ZNF66: variants seen among roughly 807,000 people sequenced by gnomAD.
ZNF66 encodes putative zinc finger protein 66.
In ZNF66, 32 loss-of-function variants were observed where a neutral mutation model predicts 35.2. The ratio of observed to expected loss-of-function variants is 0.91; its 90% CI spans 0.69 to 1.22. ZNF66 has a LOEUF of 1.22. Ranked by LOEUF, ZNF66 falls within the 50% of genes most tolerant of loss-of-function variation. The probability of loss-of-function intolerance (pLI) is 0.00; values close to 1 mark genes in which losing one functional copy is unlikely to be tolerated. For missense variants in ZNF66, 666 were observed against 543.1 expected, an observed-to-expected ratio of 1.23 and a Z score of -2.25; for synonymous variants, 231 against 181.3, an observed-to-expected ratio of 1.27 and a Z score of -2.20.
chr19:20,791,569 A>G (rs1170884480), intron 1 of ZNF66, among the ~76,000 whole-genome samples: 1 of 151,762 alleles, frequency 6.6e-6, no homozygotes, highest in Non-Finnish European at 1.5e-5. Flanking sequence ...AATTATTAGG[A>G]GATACCTGCT....
At chr19:20,777,667 G>A (rs1971208109) in intron 1 of ZNF66, among the ~76,000 whole-genome samples, 1 of 151,332 alleles carries the variant, frequency 6.6e-6, no homozygotes, top group Admixed American at 6.6e-5. Flanking sequence ...TTGCTCTGTC[G>A]CCAGGCTAGA....
At chr19:20,805,270 C>T (rs1410424526) in intron 3 of ZNF66, among the ~76,000 whole-genome samples, 1 of 152,134 alleles carries the variant, frequency 6.6e-6, no homozygotes, top group Non-Finnish European at 1.5e-5. Flanking sequence ...TGTCAGCTTA[C>T]TGCAACCTCT....
intron 3 of ZNF66, among the ~76,000 whole-genome samples, chr19:20,801,739 A>AT (rs1456072818): frequency 1.3e-5 from 2 of 151,856 alleles, no homozygotes; most frequent in African/African-American, 4.8e-5. Context: ...TGATCCTCTC[A>AT]TTTCAGCCTC....
At chr19:20,784,931 C>T (rs1232584054) in intron 1 of ZNF66, 2 of 153,246 alleles carry the variant, frequency 1.3e-5, no homozygotes, top group Non-Finnish European at 2.9e-5. Flanking sequence ...TTGTCTGTTT[C>T]AGAAGCCTTA....
chr19:20,806,964 G>C lies in ZNF66; in HGVS notation c.1364G>C (p.Cys455Ser). ...CACACTGGAGAGAAACCCTACGAAT[G>C]TGAAGACTGTGGCAAAGCCTTTAAC... ...IIHTGEKPYE[C>S]EDCGKAFNRS... The change falls in exon 4 of 4, where the codon TGT (cysteine) becomes TCT (serine). Residue 455 changes from cysteine to serine, a missense_variant. Physicochemically the swap from Cys to Ser is moderately radical, Grantham distance 112 (BLOSUM62 -1). Transcript: ENST00000344519. 1 of 1,106,498 alleles carries C rather than the reference G, an allele frequency of 9.0e-7. No individual in the cohort carries two copies. Among genetic ancestry groups the C allele is most frequent in the Non-Finnish European group, 1.4e-6 (1 of 719,016 alleles). 68.5% of individuals were successfully genotyped at this position (1,106,498 alleles called of 1,614,324 possible).
chr19:20,795,783 C>T (rs1971386437), intron 3 of ZNF66, among the ~76,000 whole-genome samples: 1 of 152,242 alleles, frequency 6.6e-6, no homozygotes, highest in South Asian at 2.1e-4. Flanking sequence ...GCAGGCCTGC[C>T]TACATTGTTG....
intron 1 of ZNF66, among the ~76,000 whole-genome samples, chr19:20,783,196 A>G (rs1013016169): frequency 6.6e-6 from 1 of 152,088 alleles, no homozygotes; most frequent in African/African-American, 2.4e-5. Context: ...ATTCTGTTGC[A>G]TTGGTCTTGT....
chr19:20,788,761 A>G (rs1230287701), intron 1 of ZNF66, among the ~76,000 whole-genome samples: 13 of 152,098 alleles, frequency 8.5e-5, no homozygotes, highest in Non-Finnish European at 1.8e-4. Flanking sequence ...TAATAAAATT[A>G]CCCTAGAAAG....
At position 20,807,055 on chromosome 19, in the gene ZNF66, A is replaced by T. The variant is rs780540888; in HGVS notation, c.1455A>T (p.Glu485Asp). 5 of 832,388 alleles carry T rather than the reference A, an allele frequency of 6.0e-6. No homozygotes were observed. Among genetic ancestry groups the T allele is most frequent in the African/African-American group, 1.7e-5 (1 of 60,030 alleles). 51.6% of individuals were successfully genotyped at this position (832,388 alleles called of 1,614,324 possible). A position where few individuals can be genotyped will look rare whatever the true frequency, so the allele number is the denominator to read the frequency against. The change falls in exon 4 of 4, where the codon GAA becomes GAT. Residue 485 changes from glutamate to aspartate, a missense_variant. Glu to Asp is a conservative substitution (Grantham distance 45). Transcript: ENST00000344519. ...GAGAGAAGCCTTACAAATGTGAAGAATGTGGCAAGGCCTTTAAGTGCTCCT... is the reference window on the plus strand; with the variant it reads ...GAGAGAAGCCTTACAAATGTGAAGATTGTGGCAAGGCCTTTAAGTGCTCCT... Reference protein sequence around the residue: ...HTGEKPYKCEECGKAFKCSSI... With the variant: ...HTGEKPYKCEDCGKAFKCSSI...
chr19:20,806,915 A>C lies in ZNF66; in HGVS notation c.1315A>C (p.Ile439Leu), dbSNP rs761347430. 1 of 1,234,876 alleles carries C rather than the reference A, an allele frequency of 8.1e-7. No individual in the cohort carries two copies. The highest frequency in any genetic ancestry group is 1.2e-5 in the South Asian group (1 of 82,932). The allele number at this position is 1,234,876 out of a possible 1,614,324, so 76.5% of individuals were successfully genotyped here. A position where few individuals can be genotyped will look rare whatever the true frequency, so the allele number is the denominator to read the frequency against. Residue 439 changes from isoleucine to leucine, a missense_variant, in exon 4 of 4, where the codon ATT becomes CTT. Physicochemically the swap from Ile to Leu is conservative, Grantham distance 5 (BLOSUM62 2). Transcript: ENST00000344519. ...ECGKAFSRSS[I>L]LTTHKIIHTG... is the part of the protein sequence containing the mutation. Reference sequence around the variant, plus strand: ...TGGCAAAGCCTTCAGTCGGTCCTCTATTCTTACTACACATAAGATAATTCA... The same window carrying C: ...TGGCAAAGCCTTCAGTCGGTCCTCTCTTCTTACTACACATAAGATAATTCA...
In ZNF66 at chr19:20,808,108, C is replaced by T. The variant is rs377604131; in HGVS notation, c.*786C>T. On this transcript the variant is annotated 3_prime_UTR_variant, in exon 4 of 4. Transcript: ENST00000344519. ...TATGCCCATGGAGTCTCACTGATTG[C>T]TAGCACAGCAGTCTGAGATCAAACT... 6.6e-6 allele frequency among the ~76,000 whole-genome samples: 1 copy of T among 152,188 alleles called. No homozygotes were observed. Among genetic ancestry groups the T allele is most frequent in the Non-Finnish European group, 1.5e-5 (1 of 68,016 alleles).
At chr19:20,780,586 C>CT (rs1971236870) in intron 1 of ZNF66, among the ~76,000 whole-genome samples, 1 of 152,098 alleles carries the variant, frequency 6.6e-6, no homozygotes, top group African/African-American at 2.4e-5. Context: ...GAATCAGGGT[C>CT]TGTGTTGACT....
chr19:20,780,522 A>G (rs1971236173), intron 1 of ZNF66, among the ~76,000 whole-genome samples: 1 of 152,144 alleles, frequency 6.6e-6, no homozygotes, highest in African/African-American at 2.4e-5. Flanking sequence ...AGATGGGCCC[A>G]TGGGGTTTTT....
chr19:20,799,748 T>C (rs778519982), intron 3 of ZNF66, among the ~76,000 whole-genome samples: 1 of 152,246 alleles, frequency 6.6e-6, no homozygotes, highest in Non-Finnish European at 1.5e-5. Context: ...TTTGATCATA[T>C]ACAGAACGGT....
chr19:20,806,289 A>G lies in ZNF66; in HGVS notation c.689A>G (p.Lys230Arg), dbSNP rs778637632. ...KIIHTGEKRYKCEDCGKAFNR... is the reference protein window; with the variant it reads ...KIIHTGEKRYRCEDCGKAFNR... ...ATTCATACTGGAGAGAAACGGTACA[A>G]ATGTGAAGACTGTGGCAAAGCCTTT... Residue 230 changes from lysine (K) to arginine (R), a missense_variant, in exon 4 of 4, where the codon AAA becomes AGA. Physicochemically the swap from Lys to Arg is conservative, Grantham distance 26 (BLOSUM62 2). Coordinates refer to ENST00000344519, the MANE Select transcript of ZNF66 (RefSeq NM_001355197.2). 2.7e-5 allele frequency: 40 copies of G among 1,486,982 alleles called. No individual in the cohort carries two copies. Among genetic ancestry groups the G allele is most frequent in the Non-Finnish European group, 3.7e-5 (39 of 1,065,160 alleles). The allele number at this position is 1,486,982 out of a possible 1,614,324, so 92.1% of individuals were successfully genotyped here.
chr19:20,797,202 T>TGAAG (rs1971402084), intron 3 of ZNF66, among the ~76,000 whole-genome samples: 23 of 85,912 alleles, frequency 2.7e-4, no homozygotes, highest in African/African-American at 1.2e-3. Flanking sequence ...TTTTTTTTTT[T>TGAAG]TTTTTTTTTT....
rs1184139529 is a variant in ZNF66 at position 20,809,656 on chromosome 19, G to A, written c.*2334G>A. Among the ~76,000 whole-genome samples the A allele has an allele frequency of 6.6e-6, 1 of 151,902 alleles. No individual in the cohort carries two copies. Among genetic ancestry groups the A allele is most frequent in the Non-Finnish European group, 1.5e-5 (1 of 67,984 alleles). ...GAGAGATTTTGTCACCACCAGGCCT[G>A]CCCTAAAAGAGCTCCTGAAGGAAGC... On this transcript the variant is annotated 3_prime_UTR_variant, in exon 4 of 4. Coordinates refer to ENST00000344519, the MANE Select transcript of ZNF66 (RefSeq NM_001355197.2).
chr19:20,809,795 ACAT>A lies in ZNF66; in HGVS notation c.*2477_*2479del, dbSNP rs1475627714. Among the ~76,000 whole-genome samples, 1 of 152,142 alleles carries A rather than the reference ACAT, an allele frequency of 6.6e-6. No individual in the cohort carries two copies. Among genetic ancestry groups the A allele is most frequent in the Non-Finnish European group, 1.5e-5 (1 of 68,032 alleles). On this transcript the variant is annotated 3_prime_UTR_variant, in exon 4 of 4. Transcript: ENST00000344519. ...AACTAACGAGCAAAATAACCAGCTAACATCATAATGACAGCATCAAATTCTCAC... is the reference window on the plus strand; with the variant it reads ...AACTAACGAGCAAAATAACCAGCTAACATAATGACAGCATCAAATTCTCAC...
Position 20,792,532 on chromosome 19 carries a change from TG to T in ZNF66, c.25del (p.Val9TrpfsTer3), listed in dbSNP as rs1971347900. MGPLQFRD[V>X]AIEFSLEEWH... ...TTCAGGGGCCATTGCAATTTAGAGA[TG>T]TGGCCATAGAATTCTCTCTGGAGGA... On this transcript the variant is annotated frameshift_variant, in exon 2 of 4. Transcript: ENST00000344519. LOFTEE classifies it high-confidence loss of function. 1 of 1,535,494 alleles carries T rather than the reference TG, an allele frequency of 6.5e-7. No individual in the cohort carries two copies. Among genetic ancestry groups the T allele is most frequent in the Non-Finnish European group, 9.0e-7 (1 of 1,112,754 alleles).
Sources: allele counts gnomAD v4.1 joint callset (sites outside exome capture counted in the v4.1 genomes callset), GRCh38; gene constraint gnomAD v4.1.1; transcripts MANE v1.5; gene names NCBI Gene and HGNC (gene_info 2026-07-23, HGNC 2026-07-21).